Variants in HPF1 observed in about 807,000 individuals in gnomAD.
HPF1 encodes the protein UPF0609 protein C4orf27.
HPF1 carries 35 observed loss-of-function variants against 38.8 expected under a neutral mutation model. That is an observed-to-expected ratio of 0.90 (90% CI 0.69 to 1.19). The LOEUF is 1.19. Among genes scored for constraint, HPF1 ranks in the 50% most tolerant of loss-of-function variants. HPF1 has a pLI of 0.00. For synonymous variants in HPF1, 115 were observed against 139.2 expected (o/e 0.83, Z 1.22); for missense variants, 367 against 405.8 (o/e 0.90, Z 0.82).
intron 4 of HPF1, among the ~76,000 whole-genome samples, chr4:169,743,330 G>C (rs1024626312): frequency 8.7e-5 from 13 of 149,088 alleles, no homozygotes; most frequent in Non-Finnish European, 1.9e-4. Flanking sequence ...GGGTGGTCTC[G>C]AACTCCTGAC....
intron 4 of HPF1, among the ~76,000 whole-genome samples, chr4:169,746,644 G>T (rs1328400817): frequency 6.6e-6 from 1 of 151,834 alleles, no homozygotes. Flanking sequence ...TGCCTTGAAA[G>T]ACCTTATTCA....
intron 1 of HPF1, among the ~76,000 whole-genome samples, chr4:169,755,454 G>C (rs1241900143): frequency 6.6e-6 from 1 of 152,158 alleles, no homozygotes; most frequent in Non-Finnish European, 1.5e-5. Context: ...ACTTGGGTAT[G>C]CTCAGATTTG....
chr4:169,739,384 T>C (rs1253996991), intron 5 of HPF1, among the ~76,000 whole-genome samples: 1 of 151,930 alleles, frequency 6.6e-6, no homozygotes, highest in Non-Finnish European at 1.5e-5. Context: ...AGAAAAAGAC[T>C]AATTCTAACC....
chr4:169,743,303 T>C (rs1734002582), intron 4 of HPF1, among the ~76,000 whole-genome samples: 1 of 151,276 alleles, frequency 6.6e-6, no homozygotes, highest in African/African-American at 2.4e-5. Flanking sequence ...GGAGACAGGG[T>C]TTCCTCATGT....
Position 169,742,058 on chromosome 4 carries a change from T to C in HPF1, c.547A>G (p.Asn183Asp). ...LREITDKKKI[N>D]LLKNIDEKLT... ...TTTTCATCTATGTTTTTCAAGAGATTGATTTTCTTTTTATCCGTTATTTCT... is the reference window on the plus strand; with the variant it reads ...TTTTCATCTATGTTTTTCAAGAGATCGATTTTCTTTTTATCCGTTATTTCT... Residue 183 changes from asparagine to aspartate, a missense_variant, in exon 5 of 8, where the codon AAT becomes GAT. By Grantham distance (23) the Asn-to-Asp change is conservative (BLOSUM62 1). Coordinates refer to ENST00000393381, the MANE Select transcript of HPF1 (RefSeq NM_017867.3). 1 of 1,610,524 alleles carries C rather than the reference T, an allele frequency of 6.2e-7. No homozygotes were observed. The highest frequency in any genetic ancestry group is 8.5e-7 in the Non-Finnish European group (1 of 1,176,898).
chr4:169,737,413 T>C (rs1040894414), intron 6 of HPF1, among the ~76,000 whole-genome samples: 1 of 152,134 alleles, frequency 6.6e-6, no homozygotes, highest in Non-Finnish European at 1.5e-5. Context: ...TGCATATGAT[T>C]AGCTCCATTT....
At chr4:169,738,144 G>T (rs539614669) in intron 5 of HPF1, among the ~76,000 whole-genome samples, 236 of 152,290 alleles carry the variant, frequency 1.5e-3, no homozygotes, top group Middle Eastern at 0.014. Context: ...AATAGTTCTT[G>T]TCAGCAAGAA....
intron 3 of HPF1, 89 bp from the exon 4 acceptor site, chr4:169,748,931 C>A (rs1464745291): frequency 1.9e-5 from 12 of 617,780 alleles, no homozygotes; most frequent in East Asian, 3.3e-5. Flanking sequence ...CAACAATTTA[C>A]ACCTATTTTT....
chr4:169,733,834 G>T (rs1255285168), intron 6 of HPF1, among the ~76,000 whole-genome samples: 2 of 150,928 alleles, frequency 1.3e-5, no homozygotes, highest in Non-Finnish European at 2.9e-5. Context: ...GGTGCAGGCT[G>T]CAGTGAGCCG....
At chr4:169,746,822 G>C (rs1734054062) in intron 4 of HPF1, among the ~76,000 whole-genome samples, 1 of 151,124 alleles carries the variant, frequency 6.6e-6, no homozygotes, top group African/African-American at 2.4e-5. Context: ...AATTATTGGA[G>C]GTAGTTCCTC....
intron 3 of HPF1, 77 bp from the exon 4 acceptor site, chr4:169,748,919 GACA>G (rs1239722046): frequency 5.9e-6 from 4 of 681,022 alleles, no homozygotes; most frequent in East Asian, 3.1e-5. Flanking sequence ...CAGGTCTACA[GACA>G]ACAATTTACA....
chr4:169,743,528 A>C (rs528846862), intron 4 of HPF1, among the ~76,000 whole-genome samples: 9 of 151,688 alleles, frequency 5.9e-5, no homozygotes, highest in Admixed American at 3.9e-4. Context: ...TTTAGAAAAC[A>C]CAAAAGGAAA....
At chr4:169,744,685 T>A (rs1415381126) in intron 4 of HPF1, among the ~76,000 whole-genome samples, 1 of 152,240 alleles carries the variant, frequency 6.6e-6, no homozygotes, top group Non-Finnish European at 1.5e-5. Context: ...ATTACAAGTT[T>A]CTCAATCTAA....
chr4:169,751,422 A>AG (rs1734118408), intron 2 of HPF1, among the ~76,000 whole-genome samples: 1 of 150,598 alleles, frequency 6.6e-6, no homozygotes, highest in African/African-American at 2.4e-5. Flanking sequence ...AAAAAAAAAA[A>AG]GGTAAAAAAC....
intron 2 of HPF1, 56 bp from the exon 3 acceptor site, chr4:169,750,781 T>A (rs1293160070): frequency 8.1e-7 from 1 of 1,241,408 alleles, no homozygotes; most frequent in Non-Finnish European, 1.1e-6. Context: ...GAAATAATGC[T>A]TTTATTTAGT....
chr4:169,757,769 C>CT (rs1734208852), intron 1 of HPF1, 61 bp downstream of exon 1: 20 of 1,434,956 alleles, frequency 1.4e-5, no homozygotes, highest in Non-Finnish European at 1.9e-5. Context: ...GCGCTGCCTC[C>CT]TGGTGCCCTG....
intron 6 of HPF1, among the ~76,000 whole-genome samples, chr4:169,734,876 G>A (rs1428423043): frequency 3.3e-5 from 5 of 152,020 alleles, no homozygotes; most frequent in African/African-American, 9.7e-5. Context: ...GCCCTCAGCC[G>A]GGGCTTTGGG....
At chr4:169,732,203 C>A (rs1393442122) in intron 6 of HPF1, among the ~76,000 whole-genome samples, 1 of 144,388 alleles carries the variant, frequency 6.9e-6, no homozygotes, top group African/African-American at 2.6e-5. Flanking sequence ...AGCAGTGGTG[C>A]GATCTCAGCT....
At chr4:169,752,842 A>G (rs1734136640) in intron 2 of HPF1, among the ~76,000 whole-genome samples, 1 of 152,162 alleles carries the variant, frequency 6.6e-6, no homozygotes, top group African/African-American at 2.4e-5. Context: ...TAACTCCTGC[A>G]ACACATGAAA....
Sources: gnomAD v4.1 joint callset for allele counts (sites outside exome capture counted in the v4.1 genomes callset) on GRCh38, gnomAD v4.1.1 for gene constraint, MANE v1.5 for transcripts, NCBI Gene and HGNC (gene_info 2026-07-23, HGNC 2026-07-21) for gene names.